GSE1: variants seen among roughly 807,000 people sequenced by gnomAD.
GSE1 encodes genetic suppressor element 1.
Under a neutral mutation model 112.6 loss-of-function variants are expected in GSE1, and 32 were observed. The ratio of observed to expected loss-of-function variants is 0.28; its 90% CI spans 0.21 to 0.38. GSE1 has a LOEUF of 0.38. GSE1 is among the 10% of genes least tolerant of loss of function. The probability of loss-of-function intolerance (pLI) is 1.00; values close to 1 mark genes in which losing one functional copy is unlikely to be tolerated. For synonymous variants in GSE1, 1,115 were observed against 735.6 expected (o/e 1.52, Z -8.35); for missense variants, 2,348 against 1,699.2 (o/e 1.38, Z -6.71).
intron 2 of GSE1, among the ~76,000 whole-genome samples, chr16:85,640,733 G>A (rs2050373615): frequency 6.6e-6 from 1 of 152,252 alleles, no homozygotes; most frequent in South Asian, 2.1e-4. Context: ...GCCTCTCAAA[G>A]AAAACAGCAA....
chr16:85,496,980 C>G (rs1322831527), intron 2 of GSE1, among the ~76,000 whole-genome samples: 1 of 151,878 alleles, frequency 6.6e-6, no homozygotes, highest in Non-Finnish European at 1.5e-5. Context: ...CTCATTGCAA[C>G]CTCTGCCTCC....
chr16:85,525,402 C>T (rs1488438325), intron 2 of GSE1, among the ~76,000 whole-genome samples: 1 of 152,240 alleles, frequency 6.6e-6, no homozygotes, highest in East Asian at 1.9e-4. Flanking sequence ...TGGCTGTCAT[C>T]TCCCCAGCGT....
chr16:85,631,380 C>T (rs1002592152), intron 1 of GSE1, among the ~76,000 whole-genome samples: 1 of 152,252 alleles, frequency 6.6e-6, no homozygotes, highest in African/African-American at 2.4e-5. Context: ...TCCCGGCCAC[C>T]GGCCTTTTGG....
At chr16:85,266,945 G>C (rs142390613) in intron 1 of GSE1, among the ~76,000 whole-genome samples, 304 of 152,324 alleles carry the variant, frequency 2.0e-3, no homozygotes, top group African/African-American at 7.0e-3. Context: ...TGCCTGCTCA[G>C]CGCGGGGACA....
chr16:85,510,813 C>T (rs374712278), intron 2 of GSE1, among the ~76,000 whole-genome samples: 10 of 152,266 alleles, frequency 6.6e-5, no homozygotes, highest in African/African-American at 2.2e-4. Context: ...TCACAGGCCT[C>T]ATGGCTCCAG....
intron 1 of GSE1, among the ~76,000 whole-genome samples, chr16:85,622,024 C>T (rs1018099040): frequency 1.3e-5 from 2 of 152,206 alleles, no homozygotes; most frequent in East Asian, 3.8e-4. Context: ...TTACTAGTTC[C>T]TCACTGGGAT....
At chr16:85,579,271 G>T (rs1473155328) in intron 1 of GSE1, among the ~76,000 whole-genome samples, 1 of 152,120 alleles carries the variant, frequency 6.6e-6, no homozygotes, top group Non-Finnish European at 1.5e-5. Flanking sequence ...CGGGGCTTCT[G>T]CCTGGAGGGT....
intron 1 of GSE1, among the ~76,000 whole-genome samples, chr16:85,352,044 G>A (rs181436675): frequency 3.2e-4 from 48 of 152,258 alleles, no homozygotes; most frequent in African/African-American, 1.2e-3. Flanking sequence ...CCAGACCTAG[G>A]GATCTCATGG....
chr16:85,627,778 TTCAG>T (rs1306679533), intron 1 of GSE1, among the ~76,000 whole-genome samples: 8 of 152,096 alleles, frequency 5.3e-5, no homozygotes, highest in South Asian at 4.1e-4. Context: ...TAGACAAGAA[TTCAG>T]TCAATGTCCA....
chr16:85,626,126 G>A (rs916009649), intron 1 of GSE1, among the ~76,000 whole-genome samples: 1 of 151,996 alleles, frequency 6.6e-6, no homozygotes, highest in Non-Finnish European at 1.5e-5. Flanking sequence ...GCCTGGGGGG[G>A]TGTTTTTATT....
intron 14 of GSE1, among the ~76,000 whole-genome samples, chr16:85,669,618 C>G (rs913134371): frequency 6.6e-6 from 1 of 152,188 alleles, no homozygotes; most frequent in African/African-American, 2.4e-5. Context: ...TTTTAACTCT[C>G]CTAGATGAAA....
intron 2 of GSE1, among the ~76,000 whole-genome samples, chr16:85,475,977 T>G (rs2050441639): frequency 6.6e-6 from 1 of 151,940 alleles, no homozygotes; most frequent in Non-Finnish European, 1.5e-5. Context: ...GTCACCCGAG[T>G]TGGAGTGCAG....
intron 2 of GSE1, among the ~76,000 whole-genome samples, chr16:85,478,889 TTCTTTCTTTCTTTC>T (rs1567520478): frequency 2.9e-4 from 21 of 72,144 alleles, no homozygotes; most frequent in African/African-American, 1.3e-3. Flanking sequence ...CTTTCTTTCT[TTCTTTCTTTCTTTC>T]TTTCTTTCTT....
At chr16:85,208,089 C>G (rs981879109) in intron 1 of GSE1, among the ~76,000 whole-genome samples, 5 of 152,104 alleles carry the variant, frequency 3.3e-5, no homozygotes, top group Admixed American at 1.3e-4. Context: ...GTTGGAGCAG[C>G]ATTAGGAGGG....
In GSE1 at chr16:85,246,200, T is replaced by TACACACACAC. The variant is rs545313239; in HGVS notation, c.2283+74422_2283+74431dup. 2.6e-3 allele frequency among the ~76,000 whole-genome samples: 234 copies of TACACACACAC among 89,112 alleles called. 10 individuals carry two copies. The highest frequency in any genetic ancestry group is 9.3e-3 in the African/African-American group (185 of 19,920). 58.5% of individuals were successfully genotyped at this position (89,112 alleles called of 152,430 possible). A position where few individuals can be genotyped will look rare whatever the true frequency, so the allele number is the denominator to read the frequency against. ...CAGGATGCCCCAGCTTCAGGGACCC[T>TACACACACAC]ACACACACACACACACACACACACA... On this transcript the variant is annotated intron_variant, in intron 1 of 2. Coordinates refer to the GSE1 transcript ENST00000637419.
chr16:85,473,732 C>T (rs998447251), intron 2 of GSE1, among the ~76,000 whole-genome samples: 6 of 152,288 alleles, frequency 3.9e-5, no homozygotes, highest in East Asian at 1.9e-4. Flanking sequence ...ATAAGTCACA[C>T]GCACAGGTTC....
chr16:85,673,453 G>A lies in GSE1; in HGVS notation c.*914G>A, dbSNP rs908698088. ...TTTGTTTTTCCTGTTTGGGGGTTTT[G>A]TTTGTTGTTTTGGTTTTTTTTGGGC... On this transcript the variant is annotated 3_prime_UTR_variant, in exon 16 of 16. Transcript: ENST00000253458. 8.4e-6 allele frequency: 1 copy of A among 119,230 alleles called. No homozygotes were observed. Among genetic ancestry groups the A allele is most frequent in the African/African-American group, 3.3e-5 (1 of 30,716 alleles). 7.4% of individuals were successfully genotyped at this position (119,230 alleles called of 1,614,324 possible). A position where few individuals can be genotyped will look rare whatever the true frequency, so the allele number is the denominator to read the frequency against.
rs572199748 is a variant in GSE1, at chr16:85,501,986, A to G, written c.2465-131928A>G. Among the ~76,000 whole-genome samples, 3 of 152,348 alleles carry G rather than the reference A, an allele frequency of 2.0e-5. No homozygotes were observed. The South Asian group carries it at 6.2e-4, about 32-fold the overall frequency. ...GGGTTGGAGGGGCTGCTCTCCTCACAGGAGGCTCAGCCGGGGAGCCAGATG... is the reference window on the plus strand; with the variant it reads ...GGGTTGGAGGGGCTGCTCTCCTCACGGGAGGCTCAGCCGGGGAGCCAGATG... On this transcript the variant is annotated intron_variant, in intron 2 of 2. Transcript: ENST00000637419.
chr16:85,615,358 G>A (rs1195903748), intron 1 of GSE1, among the ~76,000 whole-genome samples: 2 of 152,254 alleles, frequency 1.3e-5, no homozygotes, highest in African/African-American at 4.8e-5. Context: ...TGCTTCCTAA[G>A]AGACTTTCCG....
Sources: allele counts gnomAD v4.1 joint callset (sites outside exome capture counted in the v4.1 genomes callset), GRCh38; gene constraint gnomAD v4.1.1; transcripts MANE v1.5; gene names NCBI Gene and HGNC (gene_info 2026-07-23, HGNC 2026-07-21).